Variants in TRPM3 observed in about 807,000 individuals in gnomAD.
TRPM3 encodes long transient receptor potential channel 3.
Under a neutral mutation model 181.2 loss-of-function variants are expected in TRPM3, and 77 were observed. The ratio of observed to expected loss-of-function variants is 0.42; its 90% CI spans 0.35 to 0.51. The LOEUF is 0.51. TRPM3 is among the 20% of genes least tolerant of loss of function. The pLI, the probability that TRPM3 is intolerant of heterozygous loss-of-function variation, is 0.01. For synonymous variants in TRPM3, 745 were observed against 796.4 expected (o/e 0.94, Z 1.09); for missense variants, 1,759 against 2,196.7 (o/e 0.80, Z 3.98).
chr9:71,269,061 C>T (rs568018974), intron 1 of TRPM3, among the ~76,000 whole-genome samples: 31 of 152,118 alleles, frequency 2.0e-4, no homozygotes, highest in Non-Finnish European at 3.7e-4. Context: ...GCAGAGGTAG[C>T]GAGTGAACCA....
At chr9:71,446,342 C>T (rs1223301153) in intron 1 of TRPM3, among the ~76,000 whole-genome samples, 1 of 152,184 alleles carries the variant, frequency 6.6e-6, no homozygotes, top group African/African-American at 2.4e-5. Context: ...ATACACTCGA[C>T]AACGTCTCAC....
chr9:71,245,312 C>T (rs1359391859), intron 1 of TRPM3, among the ~76,000 whole-genome samples: 1 of 151,850 alleles, frequency 6.6e-6, no homozygotes, highest in Non-Finnish European at 1.5e-5. Flanking sequence ...GGTGTGGTGG[C>T]ATGCACCTGT....
In TRPM3 at chr9:70,603,477, G is replaced by T; in HGVS notation, c.2668-7C>A. 3.1e-6 allele frequency: 5 copies of T among 1,613,920 alleles called. No homozygotes were observed. The highest frequency in any genetic ancestry group is 4.2e-6 in the Non-Finnish European group (5 of 1,179,906). On this transcript the variant is annotated splice_region_variant and splice_polypyrimidine_tract_variant and intron_variant, in intron 19 of 25. Coordinates refer to ENST00000677713, the MANE Select transcript of TRPM3 (RefSeq NM_001366145.2). ...GGTATCCGATATACGCCAGCTGTAA[G>T]GAGACACAATACAGTGCTCTGGCTG...
rs1589058962 is a variant in TRPM3, at chr9:70,837,014, G to A, written c.801+5989C>T. On this transcript the variant is annotated intron_variant, in intron 5 of 25. Coordinates refer to ENST00000677713, the MANE Select transcript of TRPM3 (RefSeq NM_001366145.2). ...GGCAGTTAGCTCCAAAGCTGAGTGT[G>A]GTCCAGGCTCAGCAAGCATTGGCTC... 3.3e-5 allele frequency among the ~76,000 whole-genome samples: 5 copies of A among 152,290 alleles called. No homozygotes were observed. In the South Asian group the frequency reaches 1.0e-3, roughly 32 times the overall value.
At chr9:70,968,569 TAA>T (rs1161949566) in intron 1 of TRPM3, among the ~76,000 whole-genome samples, 1 of 152,158 alleles carries the variant, frequency 6.6e-6, no homozygotes, top group Non-Finnish European at 1.5e-5. Flanking sequence ...CTCTGACTTT[TAA>T]AAGTGATCCA....
intron 1 of TRPM3, among the ~76,000 whole-genome samples, chr9:70,875,908 C>T (rs2095860967): frequency 6.6e-6 from 1 of 151,836 alleles, no homozygotes; most frequent in Admixed American, 6.6e-5. Flanking sequence ...TAAGTTAACG[C>T]AGCATAAATA....
At chr9:71,127,933 C>T (rs141633255) in intron 1 of TRPM3, among the ~76,000 whole-genome samples, 3 of 152,274 alleles carry the variant, frequency 2.0e-5, no homozygotes, top group South Asian at 2.1e-4. Context: ...TGGGCAGAAA[C>T]CTTAGAAGAA....
chr9:71,092,473 A>AT (rs924060789), intron 1 of TRPM3, among the ~76,000 whole-genome samples: 51 of 151,656 alleles, frequency 3.4e-4, no homozygotes, highest in South Asian at 6.3e-4. Context: ...CTAAGCATAG[A>AT]TTTTTTTTTA....
At chr9:70,699,999 G>A (rs866697732) in intron 8 of TRPM3, among the ~76,000 whole-genome samples, 3 of 151,984 alleles carry the variant, frequency 2.0e-5, no homozygotes, top group Non-Finnish European at 4.4e-5. Flanking sequence ...GTTTGTTTTC[G>A]TGAGACAGAG....
At chr9:71,278,438 T>C (rs946890407) in intron 1 of TRPM3, among the ~76,000 whole-genome samples, 2 of 152,120 alleles carry the variant, frequency 1.3e-5, no homozygotes, top group East Asian at 3.9e-4. Context: ...TCAGAACAAA[T>C]GCAAAAGATA....
chr9:70,910,112 C>A (rs1412742076), intron 1 of TRPM3, among the ~76,000 whole-genome samples: 1 of 152,178 alleles, frequency 6.6e-6, no homozygotes, highest in Non-Finnish European at 1.5e-5. Context: ...TAAGTGCTTA[C>A]AGTACCATTA....
intron 1 of TRPM3, among the ~76,000 whole-genome samples, chr9:70,952,123 C>T (rs1010154028): frequency 6.6e-6 from 1 of 152,182 alleles, no homozygotes; most frequent in Non-Finnish European, 1.5e-5. Flanking sequence ...AAGATCTGCT[C>T]ACTCTTTTTC....
At chr9:70,698,210 A>AT (rs1170697409) in intron 8 of TRPM3, among the ~76,000 whole-genome samples, 2 of 149,676 alleles carry the variant, frequency 1.3e-5, no homozygotes, top group African/African-American at 4.9e-5. Flanking sequence ...TCTGTCTCAA[A>AT]AAAAAAAAAA....
chr9:70,823,402 TC>T (rs2093337414), intron 6 of TRPM3, among the ~76,000 whole-genome samples: 1 of 133,480 alleles, frequency 7.5e-6, no homozygotes, highest in Non-Finnish European at 1.6e-5. Context: ...TACCAAGCTT[TC>T]CCCCGCTCCT....
At chr9:70,654,803 C>T (rs1000960459) in intron 9 of TRPM3, among the ~76,000 whole-genome samples, 12 of 151,566 alleles carry the variant, frequency 7.9e-5, no homozygotes, top group Admixed American at 6.6e-5. Context: ...CTGCCTCAGC[C>T]TCCTGAGTAG....
intron 8 of TRPM3, among the ~76,000 whole-genome samples, chr9:70,745,907 G>C (rs1587737408): frequency 6.6e-6 from 1 of 152,124 alleles, no homozygotes; most frequent in East Asian, 1.9e-4. Context: ...ACTAAGACTG[G>C]ATAAAATATG....
At chr9:71,248,262 A>G (rs2082148105) in intron 1 of TRPM3, among the ~76,000 whole-genome samples, 2 of 152,188 alleles carry the variant, frequency 1.3e-5, no homozygotes, top group African/African-American at 4.8e-5. Context: ...TTCCTTCACT[A>G]TGGATTGGTT....
At chr9:70,898,280 G>A (rs1158509616) in intron 1 of TRPM3, among the ~76,000 whole-genome samples, 3 of 151,074 alleles carry the variant, frequency 2.0e-5, no homozygotes, top group African/African-American at 7.3e-5. Flanking sequence ...CCGCCACTAC[G>A]CCCGGCTAAT....
intron 1 of TRPM3, among the ~76,000 whole-genome samples, chr9:70,964,012 A>C (rs142212742): frequency 1.5e-3 from 224 of 152,194 alleles, no homozygotes; most frequent in African/African-American, 5.3e-3. Context: ...CTCAGTTTTA[A>C]ATTTCATAGA....
Sources: allele counts gnomAD v4.1 joint callset (sites outside exome capture counted in the v4.1 genomes callset), GRCh38; gene constraint gnomAD v4.1.1; transcripts MANE v1.5; gene names NCBI Gene and HGNC (gene_info 2026-07-23, HGNC 2026-07-21).